CLGN: variants seen among roughly 807,000 people sequenced by gnomAD.
CLGN encodes the protein calmegin.
CLGN carries 62 observed loss-of-function variants against 79.1 expected under a neutral mutation model. That is an observed-to-expected ratio of 0.78 (90% CI 0.64 to 0.97). The LOEUF (loss-of-function observed/expected upper bound fraction) is 0.97. Ranked by LOEUF, CLGN falls within the 50% of genes least tolerant of loss-of-function variation. CLGN has a pLI of 0.00. For synonymous variants in CLGN, 225 were observed against 224.7 expected, an observed-to-expected ratio of 1.00 and a Z score of -0.01; for missense variants, 647 against 715.5, an observed-to-expected ratio of 0.90 and a Z score of 1.09.
Position 140,395,907 on chromosome 4 carries a change from C to A in CLGN, c.1061G>T (p.Gly354Val), listed in dbSNP as rs1728864770. The A allele has an allele frequency of 6.2e-7, 1 of 1,605,836 alleles. No individual in the cohort carries two copies. Among genetic ancestry groups the A allele is most frequent in the African/African-American group, 1.3e-5 (1 of 74,576 alleles). Residue 354 changes from glycine (G) to valine (V), a missense_variant, in exon 10 of 15, where the codon GGG becomes GTG. Gly to Val is a moderately radical substitution (Grantham distance 109, BLOSUM62 -3). Coordinates refer to ENST00000325617, the MANE Select transcript of CLGN (RefSeq NM_004362.3). ...CATGGGAGGTTTCCACTCACCACAC[C>A]CAATCCGACATGCTGGATTAAGAAT... ...PQILNPACRIGCGEWKPPMID... is the reference protein window; with the variant it reads ...PQILNPACRIVCGEWKPPMID...
rs913931146 is a variant in CLGN at position 140,418,196 on chromosome 4, T to A, written c.-9-5109A>T. On this transcript the variant is annotated intron_variant, in intron 1 of 14. Coordinates refer to ENST00000325617, the MANE Select transcript of CLGN (RefSeq NM_004362.3). Reference sequence around the variant, plus strand: ...CCCTTCCTTACACCTTACACAAAAATTAATTCAAGATGGATTAAAGGCTTA... The same window carrying A: ...CCCTTCCTTACACCTTACACAAAAAATAATTCAAGATGGATTAAAGGCTTA... 1.6e-4 allele frequency among the ~76,000 whole-genome samples: 25 copies of A among 152,182 alleles called. No homozygotes were observed. In the East Asian group the frequency reaches 2.9e-3, roughly 18 times the overall value.
intron 5 of CLGN, among the ~76,000 whole-genome samples, chr4:140,404,098 T>TA (rs1729047638): frequency 6.6e-6 from 1 of 151,912 alleles, no homozygotes; most frequent in African/African-American, 2.4e-5. Flanking sequence ...TTTATTTATT[T>TA]TTTTTTTGAG....
At chr4:140,418,116 T>G (rs1282370861) in intron 1 of CLGN, among the ~76,000 whole-genome samples, 1 of 150,826 alleles carries the variant, frequency 6.6e-6, no homozygotes, top group African/African-American at 2.4e-5. Context: ...ATTCCCTATT[T>G]AATAAATGGT....
chr4:140,416,770 T>G (rs1266893501), intron 1 of CLGN, among the ~76,000 whole-genome samples: 1 of 151,994 alleles, frequency 6.6e-6, no homozygotes, highest in Admixed American at 6.5e-5. Context: ...CTACGAGAGG[T>G]ACAAGGAGGA....
At chr4:140,397,939 A>C (rs920541714) in intron 8 of CLGN, among the ~76,000 whole-genome samples, 4 of 152,048 alleles carry the variant, frequency 2.6e-5, no homozygotes, top group Non-Finnish European at 5.9e-5. Context: ...ACACTTAGTA[A>C]ATTCTGAAGT....
intron 5 of CLGN, among the ~76,000 whole-genome samples, chr4:140,405,605 G>A (rs1441826794): frequency 6.6e-6 from 1 of 152,054 alleles, no homozygotes; most frequent in Non-Finnish European, 1.5e-5. Flanking sequence ...TTTTTTAAGA[G>A]AGCCAAACTA....
At position 140,400,488 on chromosome 4, in the gene CLGN, T is replaced by A; in HGVS notation, c.563A>T (p.Asp188Val). ...IMFGPDKCGEDYKLHFIFRHK... is the reference protein window; with the variant it reads ...IMFGPDKCGEVYKLHFIFRHK... ...TCTGAAGATAAAATGAAGTTTATAA[T>A]CTTCTCCACATTTATCTGGTCCAAA... The change falls in exon 7 of 15, where the codon GAT becomes GTT. Residue 188 changes from aspartate to valine, a missense_variant. By Grantham distance (152) the Asp-to-Val change is radical (BLOSUM62 -3). Transcript: ENST00000325617. The A allele has an allele frequency of 6.2e-7, 1 of 1,606,362 alleles. No homozygotes were observed. The highest frequency in any genetic ancestry group is 8.5e-7 in the Non-Finnish European group (1 of 1,173,416).
At chr4:140,418,583 C>T (rs1409246381) in intron 1 of CLGN, among the ~76,000 whole-genome samples, 3 of 150,162 alleles carry the variant, frequency 2.0e-5, no homozygotes, top group South Asian at 2.1e-4. Context: ...ATTTATGCAG[C>T]CAAAAAACAC....
At chr4:140,413,297 G>A (rs1729248871) in intron 1 of CLGN, among the ~76,000 whole-genome samples, 1 of 152,132 alleles carries the variant, frequency 6.6e-6, no homozygotes, top group African/African-American at 2.4e-5. Context: ...ATAGCTGCAG[G>A]CCTTCATCCA....
At chr4:140,427,020 A>G (rs1729581188) in intron 1 of CLGN, among the ~76,000 whole-genome samples, 1 of 152,122 alleles carries the variant, frequency 6.6e-6, no homozygotes, top group African/African-American at 2.4e-5. Flanking sequence ...AGCCGAGCCT[A>G]TTTTGATCTC....
chr4:140,411,573 C>A (rs1055370349), intron 2 of CLGN, among the ~76,000 whole-genome samples: 1 of 152,058 alleles, frequency 6.6e-6, no homozygotes, highest in African/African-American at 2.4e-5. Flanking sequence ...AGTGAGATTT[C>A]TTCCAGTAGG....
chr4:140,410,515 AT>A, intron 3 of CLGN, 37 bp downstream of exon 3: 1 of 1,421,054 alleles, frequency 7.0e-7, no homozygotes, highest in Non-Finnish European at 9.9e-7. Flanking sequence ...AAAAAAGCTA[AT>A]AAATCAAAGA....
At chr4:140,411,669 A>T (rs1473431342) in intron 2 of CLGN, among the ~76,000 whole-genome samples, 1 of 152,056 alleles carries the variant, frequency 6.6e-6, no homozygotes, top group Non-Finnish European at 1.5e-5. Flanking sequence ...TGTCTGTTTA[A>T]GGGAGGGAAA....
chr4:140,410,845 G>A (rs1246537637), intron 2 of CLGN, among the ~76,000 whole-genome samples: 2 of 151,450 alleles, frequency 1.3e-5, no homozygotes, highest in African/African-American at 4.8e-5. Context: ...CGTACAAACA[G>A]TGGATACACT....
chr4:140,398,239 C>A (rs1470284256), intron 8 of CLGN, among the ~76,000 whole-genome samples: 3 of 143,616 alleles, frequency 2.1e-5, no homozygotes, highest in East Asian at 2.0e-4. Flanking sequence ...TATGTGGTTT[C>A]TCTCATTTAA....
At chr4:140,398,701 C>A in intron 8 of CLGN, 150 bp downstream of exon 8, 2 of 581,100 alleles carry the variant, frequency 3.4e-6, no homozygotes, top group Non-Finnish European at 5.7e-6. Flanking sequence ...AGTGTAAAAT[C>A]CATTTTAGAA....
chr4:140,405,184 T>A (rs1005392853), intron 5 of CLGN, among the ~76,000 whole-genome samples: 141 of 72,710 alleles, frequency 1.9e-3, no homozygotes, highest in Admixed American at 7.3e-3. Flanking sequence ...TTTTTATTTT[T>A]TTTTTTATTT....
chr4:140,401,272 T>A (rs1054456782), intron 6 of CLGN, among the ~76,000 whole-genome samples: 2 of 152,142 alleles, frequency 1.3e-5, no homozygotes, highest in African/African-American at 4.8e-5. Context: ...CATCCTACCT[T>A]CAAGTGTTCA....
chr4:140,421,323 G>A (rs1335816076), intron 1 of CLGN, among the ~76,000 whole-genome samples: 1 of 152,090 alleles, frequency 6.6e-6, no homozygotes, highest in Non-Finnish European at 1.5e-5. Flanking sequence ...ATACCCATAA[G>A]TTGAATTGCT....
Sources: allele counts gnomAD v4.1 joint callset (sites outside exome capture counted in the v4.1 genomes callset), GRCh38; gene constraint gnomAD v4.1.1; transcripts MANE v1.5; gene names NCBI Gene and HGNC (gene_info 2026-07-23, HGNC 2026-07-21).